Variants in CRYL1 observed in about 807,000 individuals in gnomAD.
CRYL1 encodes lambda-crystallin homolog.
Under a neutral mutation model 36.6 loss-of-function variants are expected in CRYL1, and 29 were observed. The ratio of observed to expected loss-of-function variants is 0.79; its 90% CI spans 0.59 to 1.08. CRYL1 has a LOEUF of 1.08. Ranked by LOEUF, CRYL1 falls within the 50% of genes least tolerant of loss-of-function variation. CRYL1 has a pLI of 0.00. For missense variants in CRYL1, 411 were observed against 407.9 expected (o/e 1.01, Z -0.06); for synonymous variants, 152 against 151.5 (o/e 1.00, Z -0.02).
chr13:20,468,138 AACTGCC>A (rs2032980384), intron 3 of CRYL1, among the ~76,000 whole-genome samples: 1 of 152,158 alleles, frequency 6.6e-6, no homozygotes, highest in Non-Finnish European at 1.5e-5. Flanking sequence ...AACAGTTGAG[AACTGCC>A]GCCTTAACAG....
intron 3 of CRYL1, among the ~76,000 whole-genome samples, chr13:20,460,048 T>C (rs556132184): frequency 1.2e-4 from 19 of 152,256 alleles, no homozygotes; most frequent in Admixed American, 4.6e-4. Context: ...TAAACAAAAA[T>C]GGTTTCTATT....
chr13:20,490,767 G>A lies in CRYL1; in HGVS notation c.150-1271C>T, dbSNP rs994496155. On this transcript the variant is annotated intron_variant, in intron 2 of 7. Transcript: ENST00000298248. ...GGTACCTTATAGCAGAGTAGGCTTCGGGGCATGTGGTCTGTGCGGTCACCC... is the reference window on the plus strand; with the variant it reads ...GGTACCTTATAGCAGAGTAGGCTTCAGGGCATGTGGTCTGTGCGGTCACCC... 1.4e-4 allele frequency among the ~76,000 whole-genome samples: 21 copies of A among 152,238 alleles called. No homozygotes were observed. The East Asian group carries it at 2.9e-3, about 21-fold the overall frequency.
chr13:20,514,152 C>A (rs1479131625), intron 1 of CRYL1, among the ~76,000 whole-genome samples: 3 of 152,142 alleles, frequency 2.0e-5, no homozygotes, highest in African/African-American at 7.2e-5. Context: ...AGGGCATCAC[C>A]CCCACTTCCG....
At chr13:20,521,131 AAAGAAAGAAGG>A (rs2034088356) in intron 1 of CRYL1, among the ~76,000 whole-genome samples, 6 of 33,106 alleles carry the variant, frequency 1.8e-4, no homozygotes, top group Non-Finnish European at 1.0e-3. Flanking sequence ...AAAAGGAAAG[AAAGAAAGAAGG>A]AAGAAAGGAA....
At chr13:20,414,921 G>T (rs2031619590) in intron 5 of CRYL1, among the ~76,000 whole-genome samples, 1 of 152,224 alleles carries the variant, frequency 6.6e-6, no homozygotes, top group Non-Finnish European at 1.5e-5. Flanking sequence ...GCTCAGACAG[G>T]CAGCACTCCC....
chr13:20,474,809 G>C (rs1419523643), intron 3 of CRYL1, among the ~76,000 whole-genome samples: 1 of 152,084 alleles, frequency 6.6e-6, no homozygotes, highest in East Asian at 1.9e-4. Flanking sequence ...CACCTGCCTG[G>C]ACTTGCCCCA....
chr13:20,453,299 T>C (rs2032609352), intron 3 of CRYL1, among the ~76,000 whole-genome samples: 1 of 152,144 alleles, frequency 6.6e-6, no homozygotes, highest in African/African-American at 2.4e-5. Context: ...AAAGAATATC[T>C]AGGAAATCCC....
Position 20,497,232 on chromosome 13 carries a change from G to C in CRYL1, c.150-7736C>G, listed in dbSNP as rs144500992. 9.7e-3 allele frequency among the ~76,000 whole-genome samples: 1,471 copies of C among 151,696 alleles called. 14 individuals carry two copies. Among genetic ancestry groups the C allele is most frequent in the Middle Eastern group, 0.017 (5 of 294 alleles). On this transcript the variant is annotated intron_variant, in intron 2 of 7. Coordinates refer to ENST00000298248, the MANE Select transcript of CRYL1 (RefSeq NM_015974.3). ...GCTTCAGATAGAGGACACCCTGAGAGGCGAGAGCCATGCGTGCCCACACAC... is the reference window on the plus strand; with the variant it reads ...GCTTCAGATAGAGGACACCCTGAGACGCGAGAGCCATGCGTGCCCACACAC...
chr13:20,479,746 T>G (rs1303560044), intron 3 of CRYL1, among the ~76,000 whole-genome samples: 1 of 152,208 alleles, frequency 6.6e-6, no homozygotes, highest in African/African-American at 2.4e-5. Context: ...CTTTGTAGCA[T>G]GCAAACTTTG....
intron 5 of CRYL1, among the ~76,000 whole-genome samples, chr13:20,430,065 T>C (rs2032022180): frequency 6.6e-6 from 1 of 152,030 alleles, no homozygotes; most frequent in Admixed American, 6.5e-5. Context: ...CCTCATACCC[T>C]GGAAGTCATC....
chr13:20,493,101 T>C (rs1255449629), intron 2 of CRYL1, among the ~76,000 whole-genome samples: 4 of 152,226 alleles, frequency 2.6e-5, no homozygotes, highest in Non-Finnish European at 5.9e-5. Context: ...CAGACTCGGG[T>C]TGGCTGTTAC....
At chr13:20,482,924 C>T (rs2033307735) in intron 3 of CRYL1, among the ~76,000 whole-genome samples, 1 of 152,072 alleles carries the variant, frequency 6.6e-6, no homozygotes, top group Non-Finnish European at 1.5e-5. Flanking sequence ...TTATATTAAG[C>T]GAAGTAAGCC....
intron 6 of CRYL1, among the ~76,000 whole-genome samples, chr13:20,409,197 A>G (rs1228995987): frequency 3.4e-4 from 51 of 151,138 alleles, no homozygotes; most frequent in East Asian, 1.6e-3. Flanking sequence ...ATAATGCTGC[A>G]TATCTACAAC....
At chr13:20,480,888 A>T (rs2137460222) in intron 3 of CRYL1, among the ~76,000 whole-genome samples, 2 of 152,354 alleles carry the variant, frequency 1.3e-5, no homozygotes, top group South Asian at 4.1e-4. Flanking sequence ...AGATAAATAC[A>T]TAATTACAGA....
chr13:20,443,495 C>T (rs1212143970), intron 3 of CRYL1, among the ~76,000 whole-genome samples: 6 of 152,062 alleles, frequency 3.9e-5, no homozygotes, highest in African/African-American at 1.2e-4. Context: ...CTATGTCAAG[C>T]GAGTCTCCTG....
chr13:20,423,105 T>C lies in CRYL1; in HGVS notation c.633+8997A>G, dbSNP rs563426947. On this transcript the variant is annotated intron_variant, in intron 5 of 7. Transcript: ENST00000298248. ...GTAGTTCCTTGTTAGTGTATAGAAA[T>C]GCTACCGACCTTTGTATGTTGACTT... Among the ~76,000 whole-genome samples the C allele has an allele frequency of 5.1e-4, 77 of 152,380 alleles. 1 individual carries two copies. Among genetic ancestry groups the C allele is most frequent in the African/African-American group, 1.8e-3 (75 of 41,596 alleles).
chr13:20,412,435 A>C (rs1421554952), intron 6 of CRYL1, among the ~76,000 whole-genome samples: 1 of 152,182 alleles, frequency 6.6e-6, no homozygotes, highest in East Asian at 1.9e-4. Flanking sequence ...TAATTGTAGA[A>C]ATTTATAACA....
intron 6 of CRYL1, among the ~76,000 whole-genome samples, chr13:20,408,121 G>C (rs1565954495): frequency 6.6e-6 from 1 of 152,182 alleles, no homozygotes; most frequent in Admixed American, 6.5e-5. Flanking sequence ...TCAAAGCACA[G>C]AGCGACATTA....
intron 2 of CRYL1, among the ~76,000 whole-genome samples, chr13:20,504,756 T>G (rs2033763539): frequency 6.6e-6 from 1 of 152,208 alleles, no homozygotes; most frequent in African/African-American, 2.4e-5. Context: ...AAGTTTTAAG[T>G]TTCTTATTGT....
Sources: allele counts gnomAD v4.1 joint callset (sites outside exome capture counted in the v4.1 genomes callset), GRCh38; gene constraint gnomAD v4.1.1; transcripts MANE v1.5; gene names NCBI Gene and HGNC (gene_info 2026-07-23, HGNC 2026-07-21).